Variants in HHIP observed in about 807,000 individuals in gnomAD.
HHIP encodes hedgehog interacting protein, also known as hedgehog-interacting protein.
A neutral mutation model predicts 74.0 loss-of-function variants in HHIP; 12 were observed. The observed-to-expected ratio is 0.16, with a 90% confidence interval of 0.10 to 0.26. The LOEUF is 0.26. Ranked by LOEUF, HHIP falls within the 10% of genes least tolerant of loss-of-function variation. HHIP has a pLI of 1.00. For missense variants in HHIP, 788 were observed against 845.0 expected (o/e 0.93, Z 0.84); for synonymous variants, 309 against 311.6 (o/e 0.99, Z 0.09).
intron 4 of HHIP, chr4:144,685,498 T>C (rs1170811569): frequency 6.6e-6 from 1 of 152,204 alleles, no homozygotes; most frequent in Non-Finnish European, 1.5e-5. Context: ...ACAAAAACAT[T>C]TGAAAAATTG....
At chr4:144,701,199 G>C (rs946929899) in intron 4 of HHIP, among the ~76,000 whole-genome samples, 1 of 152,086 alleles carries the variant, frequency 6.6e-6, no homozygotes, top group African/African-American at 2.4e-5. Context: ...TTTTACCAGA[G>C]AGCTTCATTC....
At chr4:144,684,480 C>A (rs1039180467) in intron 4 of HHIP, among the ~76,000 whole-genome samples, 4 of 150,572 alleles carry the variant, frequency 2.7e-5, no homozygotes, top group African/African-American at 9.8e-5. Context: ...GTGGTTTCAC[C>A]GTGTTAGCTA....
At chr4:144,649,979 C>A (rs1728372736) in intron 1 of HHIP, among the ~76,000 whole-genome samples, 1 of 152,148 alleles carries the variant, frequency 6.6e-6, no homozygotes, top group African/African-American at 2.4e-5. Flanking sequence ...AGCTGAACAA[C>A]CTTGTAGGCA....
chr4:144,723,998 C>G (rs1730719400), intron 11 of HHIP, among the ~76,000 whole-genome samples: 1 of 152,090 alleles, frequency 6.6e-6, no homozygotes, highest in Admixed American at 6.6e-5. Context: ...GTGCACAATA[C>G]CTTTTCATCT....
At chr4:144,651,922 C>T (rs1728437878) in intron 1 of HHIP, among the ~76,000 whole-genome samples, 1 of 151,986 alleles carries the variant, frequency 6.6e-6, no homozygotes, top group Admixed American at 6.6e-5. Flanking sequence ...TGTGTTTATT[C>T]ATGCATATAA....
intron 4 of HHIP, among the ~76,000 whole-genome samples, chr4:144,687,553 G>C (rs1369448708): frequency 6.6e-6 from 1 of 152,094 alleles, no homozygotes; most frequent in Non-Finnish European, 1.5e-5. Flanking sequence ...TCATAGTGTA[G>C]TGAGCCTTAT....
At chr4:144,714,153 G>T in intron 8 of HHIP, 72 bp from the exon 9 acceptor site, 1 of 1,311,458 alleles carries the variant, frequency 7.6e-7, no homozygotes, top group South Asian at 1.2e-5. Context: ...TATAGTAATT[G>T]TTGTTTGGTG....
chr4:144,721,043 A>G (rs941938002), intron 11 of HHIP, among the ~76,000 whole-genome samples: 4 of 152,224 alleles, frequency 2.6e-5, no homozygotes, highest in African/African-American at 9.6e-5. Context: ...CAATATATAG[A>G]CACGTTTTGT....
At chr4:144,675,021 A>T (rs539405022) in intron 4 of HHIP, among the ~76,000 whole-genome samples, 14 of 152,352 alleles carry the variant, frequency 9.2e-5, no homozygotes, top group Admixed American at 3.3e-4. Context: ...ATATCATTTT[A>T]AAAGAGTCTC....
chr4:144,667,549 A>G lies in HHIP; in HGVS notation c.831+7711A>G, dbSNP rs555425845. Among the ~76,000 whole-genome samples the G allele has an allele frequency of 3.0e-4, 46 of 152,312 alleles. 1 individual carries two copies. The South Asian group carries it at 9.3e-3, about 31-fold the overall frequency. On this transcript the variant is annotated intron_variant, in intron 4 of 12. Transcript: ENST00000296575. The stretch of plus-strand genomic sequence containing the variant: ...TTTAAATGTGTTACTAGAGAAAAAC[A>G]ACACCTTTTGACAGCATCAACTTTG...
rs907832346 is a variant in HHIP at position 144,647,038 on chromosome 4, G to T, written c.279+84G>T. 18 of 1,290,782 alleles carry T rather than the reference G, an allele frequency of 1.4e-5. No individual in the cohort carries two copies. The South Asian group carries it at 2.2e-4, about 16-fold the overall frequency. 80.0% of individuals were successfully genotyped at this position (1,290,782 alleles called of 1,614,324 possible). A position where few individuals can be genotyped will look rare whatever the true frequency, so the allele number is the denominator to read the frequency against. ...TGTGGCTCTGGCAAAGCCGGTGGTT[G>T]TAAGAAGGTCAAAACTTCTTTGGGG... On this transcript the variant is annotated intron_variant, in intron 1 of 12. Coordinates refer to ENST00000296575, the MANE Select transcript of HHIP (RefSeq NM_022475.3).
intron 11 of HHIP, among the ~76,000 whole-genome samples, chr4:144,730,781 T>C (rs1011852426): frequency 5.3e-5 from 8 of 152,174 alleles, no homozygotes; most frequent in African/African-American, 1.7e-4. Flanking sequence ...CTTTATTTCA[T>C]GTAAAAGGGC....
At chr4:144,672,029 C>T (rs1040048074) in intron 4 of HHIP, among the ~76,000 whole-genome samples, 4 of 151,862 alleles carry the variant, frequency 2.6e-5, no homozygotes, top group Non-Finnish European at 5.9e-5. Context: ...ACCTTAGGTC[C>T]TTTCTTGTTC....
intron 4 of HHIP, among the ~76,000 whole-genome samples, chr4:144,693,053 A>G (rs2126637045): frequency 6.6e-6 from 1 of 152,260 alleles, no homozygotes; most frequent in East Asian, 1.9e-4. Flanking sequence ...TCTGAGAGCA[A>G]GAGCTGTGGA....
chr4:144,703,044 C>G (rs1730031283), intron 4 of HHIP, among the ~76,000 whole-genome samples: 1 of 152,068 alleles, frequency 6.6e-6, no homozygotes, highest in Admixed American at 6.6e-5. Context: ...TGGTGAAACC[C>G]TGTCTCTGCT....
At chr4:144,719,020 C>A in intron 11 of HHIP, 64 bp downstream of exon 11, 1 of 970,034 alleles carries the variant, frequency 1.0e-6, no homozygotes, top group South Asian at 1.3e-5. Context: ...TTAGTTCATT[C>A]AATTAATGAT....
At chr4:144,689,658 T>C (rs1397163215) in intron 4 of HHIP, among the ~76,000 whole-genome samples, 3 of 152,220 alleles carry the variant, frequency 2.0e-5, no homozygotes, top group Admixed American at 6.5e-5. Flanking sequence ...CCATTATTTG[T>C]TACTATCAGA....
intron 4 of HHIP, among the ~76,000 whole-genome samples, chr4:144,683,579 T>G (rs1729401813): frequency 6.6e-6 from 1 of 152,220 alleles, no homozygotes; most frequent in African/African-American, 2.4e-5. Context: ...TGGATATTAT[T>G]TAGCTTTTAG....
intron 12 of HHIP, among the ~76,000 whole-genome samples, chr4:144,736,305 T>G (rs1171399697): frequency 6.6e-6 from 1 of 151,922 alleles, no homozygotes; most frequent in Non-Finnish European, 1.5e-5. Context: ...CCTCCTAATT[T>G]TTGTATTTAT....
Sources: gnomAD v4.1 joint callset for allele counts (sites outside exome capture counted in the v4.1 genomes callset) on GRCh38, gnomAD v4.1.1 for gene constraint, MANE v1.5 for transcripts, NCBI Gene and HGNC (gene_info 2026-07-23, HGNC 2026-07-21) for gene names.